Variants in FBXW11 observed in about 807,000 individuals in gnomAD.
The protein encoded by FBXW11 is F-box/WD repeat-containing protein 11.
A neutral mutation model predicts 77.6 loss-of-function variants in FBXW11; 19 were observed. The observed-to-expected ratio is 0.24, with a 90% confidence interval of 0.17 to 0.36. FBXW11 has a LOEUF of 0.36. Among genes scored for constraint, FBXW11 ranks in the 10% least tolerant of loss-of-function variants. The probability of loss-of-function intolerance (pLI) is 1.00; values close to 1 mark genes in which losing one functional copy is unlikely to be tolerated. For synonymous variants in FBXW11, 235 were observed against 249.4 expected (o/e 0.94, Z 0.54); for missense variants, 334 against 704.2 (o/e 0.47, Z 5.95).
chr5:171,932,002 G>C (rs1401484477), intron 2 of FBXW11, among the ~76,000 whole-genome samples: 2 of 151,818 alleles, frequency 1.3e-5, no homozygotes, highest in Non-Finnish European at 2.9e-5. Flanking sequence ...AGCCTCCAGA[G>C]TAGCTGCGAC....
intron 9 of FBXW11, among the ~76,000 whole-genome samples, chr5:171,875,476 T>A (rs1459464636): frequency 1.3e-5 from 2 of 151,972 alleles, no homozygotes; most frequent in Admixed American, 1.3e-4. Context: ...TGCTAATGAG[T>A]GTGAGGGTTT....
chr5:171,926,476 C>T (rs993692689), intron 2 of FBXW11, among the ~76,000 whole-genome samples: 2 of 152,146 alleles, frequency 1.3e-5, no homozygotes, highest in African/African-American at 2.4e-5. Flanking sequence ...ATCATGGGAG[C>T]GGTTTCTCAT....
At chr5:171,945,007 T>C (rs1762935261) in intron 2 of FBXW11, among the ~76,000 whole-genome samples, 2 of 152,230 alleles carry the variant, frequency 1.3e-5, no homozygotes, top group Non-Finnish European at 2.9e-5. Context: ...GAAACAGATG[T>C]GTTTACCAAG....
At chr5:171,930,295 T>C (rs982206729) in intron 2 of FBXW11, among the ~76,000 whole-genome samples, 3 of 152,162 alleles carry the variant, frequency 2.0e-5, no homozygotes, top group Admixed American at 2.0e-4. Context: ...AAAGAACACC[T>C]GCAAAAAACC....
intron 4 of FBXW11, chr5:171,908,641 C>T (rs1561672254): frequency 6.6e-6 from 1 of 152,154 alleles, no homozygotes; most frequent in Non-Finnish European, 1.5e-5. Flanking sequence ...AAAAGAACGG[C>T]AGTGTCAAAT....
chr5:171,993,570 G>A (rs368058879), intron 1 of FBXW11, among the ~76,000 whole-genome samples: 3 of 151,948 alleles, frequency 2.0e-5, no homozygotes, highest in East Asian at 1.9e-4. Flanking sequence ...CCACGATCGC[G>A]CCACTGCACT....
At chr5:171,978,484 C>A (rs1398332548) in intron 1 of FBXW11, among the ~76,000 whole-genome samples, 5 of 152,186 alleles carry the variant, frequency 3.3e-5, no homozygotes, top group African/African-American at 1.2e-4. Flanking sequence ...GAATTCCCAA[C>A]AGAACCCCAC....
chr5:171,931,261 G>A (rs1162339585), intron 2 of FBXW11, among the ~76,000 whole-genome samples: 1 of 152,208 alleles, frequency 6.6e-6, no homozygotes, highest in Non-Finnish European at 1.5e-5. Context: ...AAAGTTCAAG[G>A]AATGATACTG....
intron 2 of FBXW11, among the ~76,000 whole-genome samples, chr5:171,926,538 CA>C (rs1761901466): frequency 6.6e-6 from 1 of 152,260 alleles, no homozygotes; most frequent in East Asian, 1.9e-4. Context: ...AGTGAGTTCT[CA>C]CGAGACCTGA....
rs1347414281 is a variant in FBXW11, at chr5:171,890,812, G to C, written c.852+655C>G. Among the ~76,000 whole-genome samples, 3 of 152,194 alleles carry C rather than the reference G, an allele frequency of 2.0e-5. No individual in the cohort carries two copies. In the East Asian group the frequency reaches 5.8e-4, roughly 29 times the overall value. On this transcript the variant is annotated intron_variant, in intron 7 of 13. Transcript: ENST00000517395. ...GGCAGGACAAGGGAATTGGGGGAATGAGAGAGCTGCTCCATATCGTGATTT... is the reference window on the plus strand; with the variant it reads ...GGCAGGACAAGGGAATTGGGGGAATCAGAGAGCTGCTCCATATCGTGATTT...
intron 2 of FBXW11, among the ~76,000 whole-genome samples, chr5:171,917,062 G>A (rs1382986957): frequency 6.6e-6 from 1 of 151,734 alleles, no homozygotes; most frequent in East Asian, 1.9e-4. Context: ...CTGGGACTAC[G>A]GGCACACACC....
rs537127156 is a variant in FBXW11, at chr5:171,865,687, T to G, written c.*26-1586A>C. On this transcript the variant is annotated intron_variant, in intron 13 of 13. Transcript: ENST00000517395. ...TTTGGCTTATCTACTTTTTCAAATT[T>G]CCTAATAACGATCTTATATTGTCTT... Among the ~76,000 whole-genome samples the G allele has an allele frequency of 1.5e-4, 23 of 152,344 alleles. No individual in the cohort carries two copies. In the East Asian group the frequency reaches 3.7e-3, roughly 24 times the overall value.
chr5:171,876,601 A>G lies in FBXW11; in HGVS notation c.972-67T>C. 1 of 1,577,030 alleles carries G rather than the reference A, an allele frequency of 6.3e-7. No individual in the cohort carries two copies. Among genetic ancestry groups the G allele is most frequent in the Non-Finnish European group, 8.7e-7 (1 of 1,154,860 alleles). The stretch of plus-strand genomic sequence containing the variant: ...AGCCAGGAAATGATTCTGGTATCTG[A>G]GCTCTGTCTGGGTCTGCAATGGTTT... On this transcript the variant is annotated intron_variant, in intron 8 of 13. Transcript: ENST00000517395. This position sits in a 1 kb window ranked among gnomAD's most constrained non-coding sequence, Gnocchi z 4.2.
rs930259523 is a variant in FBXW11 at position 172,006,600 on chromosome 5, C to T, written c.-98G>A. On this transcript the variant is annotated 5_prime_UTR_variant, in exon 1 of 14. Transcript: ENST00000517395. The stretch of plus-strand genomic sequence containing the variant: ...AGGCGGCAGAGGCGGAGGCGGCTAT[C>T]GCACCCACTCTAGCTGCCAGCCCGC... 1.5e-5 allele frequency: 21 copies of T among 1,367,690 alleles called. No homozygotes were observed. In the Middle Eastern group the frequency reaches 1.4e-3, roughly 90 times the overall value. 84.7% of individuals were successfully genotyped at this position (1,367,690 alleles called of 1,614,324 possible).
chr5:171,946,805 CTTTTTTTTT>C (rs70982356), intron 2 of FBXW11, among the ~76,000 whole-genome samples: 1 of 58,634 alleles, frequency 1.7e-5, no homozygotes, highest in African/African-American at 7.9e-5. Context: ...GTGTACTTTA[CTTTTTTTTT>C]TTTTTTTTTT....
At chr5:171,951,259 G>A (rs1763298776) in intron 2 of FBXW11, among the ~76,000 whole-genome samples, 1 of 152,078 alleles carries the variant, frequency 6.6e-6, no homozygotes, top group African/African-American at 2.4e-5. Context: ...TAGCCACCGG[G>A]ATCAGTGGCT....
chr5:171,948,565 C>G (rs1216789779), intron 2 of FBXW11, among the ~76,000 whole-genome samples: 2 of 151,810 alleles, frequency 1.3e-5, no homozygotes, highest in African/African-American at 4.8e-5. Flanking sequence ...TAGGAAGATC[C>G]CATTTCTATT....
intron 13 of FBXW11, chr5:171,867,671 T>A (rs1329411499): frequency 6.6e-6 from 1 of 152,136 alleles, no homozygotes; most frequent in South Asian, 2.1e-4. Context: ...AATCTCTCCA[T>A]CAAAAAAATT....
chr5:171,928,360 A>G (rs1419184256), intron 2 of FBXW11, among the ~76,000 whole-genome samples: 1 of 152,232 alleles, frequency 6.6e-6, no homozygotes, highest in African/African-American at 2.4e-5. Context: ...CCCTAAAAAA[A>G]CCCAACGATG....
Sources: gnomAD v4.1 joint callset for allele counts (sites outside exome capture counted in the v4.1 genomes callset) on GRCh38, gnomAD v4.1.1 for gene constraint, Gnocchi (gnomAD v3.1) non-coding constraint, MANE v1.5 for transcripts, NCBI Gene and HGNC (gene_info 2026-07-23, HGNC 2026-07-21) for gene names.